Variants in NFIB observed in about 807,000 individuals in gnomAD.
NFIB encodes the protein nuclear factor I B.
A neutral mutation model predicts 61.5 loss-of-function variants in NFIB; 11 were observed. The observed-to-expected ratio is 0.18, with a 90% CI of 0.11 to 0.30. The LOEUF (loss-of-function observed/expected upper bound fraction) is 0.30. Among genes scored for constraint, NFIB ranks in the 10% least tolerant of loss-of-function variants. The pLI is 1.00. For synonymous variants in NFIB, 260 were observed against 216.5 expected, an observed-to-expected ratio of 1.20 and a Z score of -1.76; for missense variants, 471 against 608.9, an observed-to-expected ratio of 0.77 and a Z score of 2.38.
intron 1 of NFIB, among the ~76,000 whole-genome samples, chr9:14,323,854 T>A (rs1336513462): frequency 2.0e-5 from 3 of 152,210 alleles, no homozygotes; most frequent in Non-Finnish European, 2.9e-5. Flanking sequence ...ATACACATCA[T>A]ACATACGTTT....
chr9:14,431,465 G>A, the NFIB span, among the ~76,000 whole-genome samples: 2 of 152,268 alleles, frequency 1.3e-5, no homozygotes, highest in Admixed American at 1.3e-4. Context: ...AGTGCACAAG[G>A]CAGCCTTAAA....
At chr9:14,411,883 G>A in the NFIB span, among the ~76,000 whole-genome samples, 1,987 of 152,254 alleles carry the variant, frequency 0.013, 57 homozygotes, top group African/African-American at 0.045. Flanking sequence ...TCTCTCTAAG[G>A]TTGCTTGTTC....
At chr9:14,346,926 G>A (rs2061030607) in intron 1 of NFIB, among the ~76,000 whole-genome samples, 1 of 152,048 alleles carries the variant, frequency 6.6e-6, no homozygotes, top group Non-Finnish European at 1.5e-5. Context: ...GGGTGAGGGT[G>A]GGGTAAGAGG....
chr9:14,252,855 G>A (rs901906663), intron 2 of NFIB, among the ~76,000 whole-genome samples: 16 of 151,410 alleles, frequency 1.1e-4, no homozygotes, highest in East Asian at 3.9e-4. Context: ...ACGGTCACCC[G>A]TATTAAACTC....
chr9:14,487,186 C>G, the NFIB span, among the ~76,000 whole-genome samples: 1 of 152,156 alleles, frequency 6.6e-6, no homozygotes, highest in Non-Finnish European at 1.5e-5. Context: ...AAGGTTTGAG[C>G]GCACACGAAA....
chr9:14,270,752 A>G (rs1003952008), intron 2 of NFIB, among the ~76,000 whole-genome samples: 2 of 152,170 alleles, frequency 1.3e-5, no homozygotes, highest in Admixed American at 6.5e-5. Context: ...ATGCTCAGTG[A>G]AAAATTACAT....
the NFIB span, among the ~76,000 whole-genome samples, chr9:14,489,163 G>T: frequency 1.3e-5 from 2 of 152,202 alleles, no homozygotes; most frequent in African/African-American, 4.8e-5. Context: ...GATCTGAATT[G>T]TAGAAGATCT....
the NFIB span, among the ~76,000 whole-genome samples, chr9:14,450,391 C>G: frequency 1.3e-5 from 2 of 152,216 alleles, no homozygotes; most frequent in African/African-American, 4.8e-5. Flanking sequence ...CCATGAACCT[C>G]TTGCCCAAGA....
At chr9:14,331,607 G>T (rs975465770) in intron 1 of NFIB, among the ~76,000 whole-genome samples, 12 of 152,160 alleles carry the variant, frequency 7.9e-5, no homozygotes, top group Non-Finnish European at 1.2e-4. Context: ...ATGTAAGAAG[G>T]TTATATTCAT....
rs1321028235 is a variant in NFIB, at chr9:14,344,563, C to CAGT, written c.109-37046_109-37044dup. ...AAAGGGACAGAATAAGCTAGTTCACCAGTATTATCGATTTCTCAGTCCTAA... is the reference window on the plus strand; with the variant it reads ...AAAGGGACAGAATAAGCTAGTTCACCAGTAGTATTATCGATTTCTCAGTCCTAA... On this transcript the variant is annotated intron_variant, in intron 1 of 8. Transcript: ENST00000380934. Among the ~76,000 whole-genome samples, 3 of 152,204 alleles carry CAGT rather than the reference C, an allele frequency of 2.0e-5. No individual in the cohort carries two copies. The East Asian group carries it at 5.8e-4, about 29-fold the overall frequency.
chr9:14,418,658 G>A, the NFIB span, among the ~76,000 whole-genome samples: 1 of 152,122 alleles, frequency 6.6e-6, no homozygotes, highest in Non-Finnish European at 1.5e-5. Context: ...CCCCAGGAGA[G>A]CTCTCATATG....
At chr9:14,470,913 T>C in the NFIB span, among the ~76,000 whole-genome samples, 4 of 152,260 alleles carry the variant, frequency 2.6e-5, no homozygotes, top group Non-Finnish European at 5.9e-5. Context: ...GAACTCTAAA[T>C]TCCTTTCCAC....
At chr9:14,440,213 A>T in the NFIB span, among the ~76,000 whole-genome samples, 1 of 152,174 alleles carries the variant, frequency 6.6e-6, no homozygotes, top group African/African-American at 2.4e-5. Flanking sequence ...GCAAGGGGCC[A>T]GCTGTGTCTT....
chr9:14,383,017 T>A (rs1275458235), intron 1 of NFIB, among the ~76,000 whole-genome samples: 1 of 152,152 alleles, frequency 6.6e-6, no homozygotes. Context: ...TATCAGCTTA[T>A]CCTTGGCCTC....
At chr9:14,225,890 A>C (rs1485017125) in intron 2 of NFIB, among the ~76,000 whole-genome samples, 1 of 152,228 alleles carries the variant, frequency 6.6e-6, no homozygotes, top group Non-Finnish European at 1.5e-5. Flanking sequence ...TTCTGATGAA[A>C]TACATGTTAT....
rs1300019152 is a variant in NFIB, at chr9:14,307,661, T to G, written c.31-141A>C. 1 of 857,868 alleles carries G rather than the reference T, an allele frequency of 1.2e-6. No homozygotes were observed. Among genetic ancestry groups the G allele is most frequent in the African/African-American group, 1.7e-5 (1 of 58,654 alleles). 53.1% of individuals were successfully genotyped at this position (857,868 alleles called of 1,614,324 possible). On this transcript the variant is annotated intron_variant, in intron 1 of 10. Coordinates refer to ENST00000380953, the MANE Select transcript of NFIB (RefSeq NM_001190737.2). The surrounding 1 kb of genome is among the most constrained non-coding windows in gnomAD (Gnocchi z 5.3). ...ATGAAAATAACATTCCTTTCTTATT[T>G]AAAATTATCAAAATAACAGGACAAG...
At chr9:14,164,491 C>T (rs1459874470) in intron 3 of NFIB, among the ~76,000 whole-genome samples, 4 of 151,998 alleles carry the variant, frequency 2.6e-5, no homozygotes, top group Non-Finnish European at 5.9e-5. Context: ...GCAAAGGTAC[C>T]ATAAAAATAT....
At chr9:14,119,460 C>T (rs1357103738) in intron 8 of NFIB, among the ~76,000 whole-genome samples, 2 of 151,832 alleles carry the variant, frequency 1.3e-5, no homozygotes, top group South Asian at 2.1e-4. Flanking sequence ...CAGAAAGGAC[C>T]ATTTTGTTTC....
At chr9:14,488,878 G>C in the NFIB span, among the ~76,000 whole-genome samples, 1 of 152,178 alleles carries the variant, frequency 6.6e-6, no homozygotes, top group African/African-American at 2.4e-5. Context: ...TCTCAGATTG[G>C]ATATGCTTTC....
Sources: gnomAD v4.1 joint callset for allele counts (sites outside exome capture counted in the v4.1 genomes callset) on GRCh38, gnomAD v4.1.1 for gene constraint, Gnocchi (gnomAD v3.1) non-coding constraint, MANE v1.5 for transcripts, NCBI Gene and HGNC (gene_info 2026-07-23, HGNC 2026-07-21) for gene names.